Variants in TSNARE1 observed in about 807,000 individuals in gnomAD.
TSNARE1 encodes t-SNARE domain-containing protein 1.
In TSNARE1, 49 loss-of-function variants were observed where a neutral mutation model predicts 62.0. The ratio of observed to expected loss-of-function variants is 0.79; its 90% CI spans 0.63 to 1.00. TSNARE1 has a LOEUF of 1.00. Among genes scored for constraint, TSNARE1 ranks in the 50% least tolerant of loss-of-function variants. The pLI is 0.00. For synonymous variants in TSNARE1, 328 were observed against 294.4 expected (o/e 1.11, Z -1.17); for missense variants, 755 against 700.1 (o/e 1.08, Z -0.88).
At chr8:142,332,949 G>C (rs1831262341) in intron 4 of TSNARE1, among the ~76,000 whole-genome samples, 1 of 152,220 alleles carries the variant, frequency 6.6e-6, no homozygotes, top group African/African-American at 2.4e-5. Flanking sequence ...CCGGGGAAGG[G>C]ACAGCCACAC....
At chr8:142,373,952 G>C (rs1217253277) in intron 1 of TSNARE1, among the ~76,000 whole-genome samples, 3 of 152,158 alleles carry the variant, frequency 2.0e-5, no homozygotes, top group Non-Finnish European at 2.9e-5. Flanking sequence ...GTAATACACT[G>C]TGTGTGTGGA....
intron 12 of TSNARE1, among the ~76,000 whole-genome samples, chr8:142,263,184 T>G (rs73366612): frequency 0.04 from 6,123 of 152,306 alleles, 195 homozygotes; most frequent in African/African-American, 0.08. Context: ...TTAAGAAAAT[T>G]CTTGCCTTTC....
chr8:142,341,535 C>T (rs189568785), intron 4 of TSNARE1, among the ~76,000 whole-genome samples: 2 of 152,174 alleles, frequency 1.3e-5, no homozygotes, highest in South Asian at 2.1e-4. Flanking sequence ...AGAGTGCGCA[C>T]CTGGGGCGCA....
intron 1 of TSNARE1, among the ~76,000 whole-genome samples, chr8:142,364,471 CA>C (rs1297202986): frequency 1.3e-5 from 2 of 152,168 alleles, no homozygotes; most frequent in Non-Finnish European, 2.9e-5. Flanking sequence ...TAGCTTTGTC[CA>C]CTGAGAGGGC....
At chr8:142,271,061 G>A in intron 12 of TSNARE1, 1 of 985,946 alleles carries the variant, frequency 1.0e-6, no homozygotes, top group Non-Finnish European at 1.2e-6. Context: ...CCTGCCCTTT[G>A]GCTCTGCCAG....
intron 1 of TSNARE1, among the ~76,000 whole-genome samples, chr8:142,373,053 C>G (rs1718553730): frequency 6.6e-6 from 1 of 152,228 alleles, no homozygotes; most frequent in Non-Finnish European, 1.5e-5. Flanking sequence ...TAGGCCTCCC[C>G]CGTCACCTGT....
At chr8:142,367,345 A>C (rs555280160) in intron 1 of TSNARE1, among the ~76,000 whole-genome samples, 1 of 152,358 alleles carries the variant, frequency 6.6e-6, no homozygotes, top group South Asian at 2.1e-4. Context: ...GCAGACTTTC[A>C]GAACCCTAGA....
At chr8:142,270,042 C>A in intron 12 of TSNARE1, 2 of 985,470 alleles carry the variant, frequency 2.0e-6, no homozygotes, top group Non-Finnish European at 2.4e-6. Flanking sequence ...AGCCAGTCAG[C>A]CAGCATCTTG....
intron 12 of TSNARE1, among the ~76,000 whole-genome samples, chr8:142,259,763 C>T (rs890269882): frequency 2.6e-5 from 4 of 152,190 alleles, no homozygotes; most frequent in South Asian, 2.1e-4. Flanking sequence ...CTGCCTGCAA[C>T]GTGGCTGCTC....
intron 12 of TSNARE1, among the ~76,000 whole-genome samples, chr8:142,259,857 G>A (rs752068748): frequency 1.3e-5 from 2 of 152,166 alleles, no homozygotes; most frequent in South Asian, 2.1e-4. Context: ...GCCTTCCCCC[G>A]GGGGCACCTA....
chr8:142,315,310 C>T (rs1444144309), intron 7 of TSNARE1, among the ~76,000 whole-genome samples: 3 of 152,228 alleles, frequency 2.0e-5, no homozygotes, highest in Non-Finnish European at 4.4e-5. Context: ...GGGTCAACAC[C>T]ACCTGCCGGA....
intron 6 of TSNARE1, among the ~76,000 whole-genome samples, chr8:142,323,099 C>T (rs1205260211): frequency 2.0e-5 from 3 of 151,500 alleles, no homozygotes; most frequent in Admixed American, 1.3e-4. Flanking sequence ...CATCCGTGGG[C>T]TGATGACGAT....
At position 142,255,974 on chromosome 8, in the gene TSNARE1, TCAC is replaced by T. The variant is rs1234299972; in HGVS notation, c.1446+18804_1446+18806del. On this transcript the variant is annotated intron_variant, in intron 12 of 13. Transcript: ENST00000524325. ...ATCACCATCACCACCACCATCACCA[TCAC>T]CACCACCACCACCGTCACCATCACC... is the stretch of plus-strand genomic sequence containing the variant. Among the ~76,000 whole-genome samples, 352 of 51,850 alleles carry T rather than the reference TCAC, an allele frequency of 6.8e-3. 48 individuals carry two copies. Among genetic ancestry groups the T allele is most frequent in the Admixed American group, 0.06 (258 of 4,282 alleles). 34.0% of individuals were successfully genotyped at this position (51,850 alleles called of 152,430 possible). A position where few individuals can be genotyped will look rare whatever the true frequency, so the allele number is the denominator to read the frequency against.
intron 11 of TSNARE1, chr8:142,278,832 G>T: frequency 9.2e-6 from 9 of 981,214 alleles, no homozygotes; most frequent in Non-Finnish European, 1.1e-5. Flanking sequence ...GCAGAAGGAG[G>T]GGGAGGCCAC....
chr8:142,260,977 G>GA (rs1563786541), intron 12 of TSNARE1, among the ~76,000 whole-genome samples: 1 of 20,056 alleles, frequency 5.0e-5, no homozygotes, highest in Non-Finnish European at 1.3e-4. Context: ...AGGGAGGGAG[G>GA]GAGGGAGGAG....
At chr8:142,325,190 C>T (rs559000622) in intron 6 of TSNARE1, among the ~76,000 whole-genome samples, 2 of 152,288 alleles carry the variant, frequency 1.3e-5, no homozygotes, top group South Asian at 2.1e-4. Context: ...GAGGGCAGCG[C>T]GGGCAGAAGC....
intron 9 of TSNARE1, among the ~76,000 whole-genome samples, chr8:142,310,615 T>A (rs1224553038): frequency 6.6e-6 from 1 of 151,812 alleles, no homozygotes; most frequent in East Asian, 1.9e-4. Context: ...AGCTGGAGAT[T>A]AGTTATTTTT....
chr8:142,379,606 A>G lies in TSNARE1; in HGVS notation c.-40+23498T>C, dbSNP rs149594636. ...TTCAACGTGCCACAGGTACTTCCACACCCTTGAAAGCCCTTCTCTGCCTGA... is the reference window on the plus strand; with the variant it reads ...TTCAACGTGCCACAGGTACTTCCACGCCCTTGAAAGCCCTTCTCTGCCTGA... On this transcript the variant is annotated intron_variant, in intron 1 of 13. Coordinates refer to ENST00000524325, the MANE Select transcript of TSNARE1 (RefSeq NM_145003.5). Among the ~76,000 whole-genome samples the G allele has an allele frequency of 4.7e-3, 716 of 152,198 alleles. 7 individuals are homozygous for G. Among genetic ancestry groups the G allele is most frequent in the Middle Eastern group, 0.014 (4 of 294 alleles).
upstream of TSNARE1, chr8:142,403,945 G>A (rs147754969): frequency 2.0e-3 from 312 of 152,362 alleles, 1 homozygote; most frequent in Middle Eastern, 6.8e-3. Flanking sequence ...GGAGGAACCT[G>A]CGGACAATGG....
Sources: allele counts gnomAD v4.1 joint callset (sites outside exome capture counted in the v4.1 genomes callset), GRCh38; gene constraint gnomAD v4.1.1; transcripts MANE v1.5; gene names NCBI Gene and HGNC (gene_info 2026-07-23, HGNC 2026-07-21).